Variants in GTF2A1 observed in about 807,000 individuals in gnomAD.
GTF2A1 encodes the protein transcription initiation factor IIA subunit 1.
A neutral mutation model predicts 54.1 loss-of-function variants in GTF2A1; 12 were observed. That is an observed-to-expected ratio of 0.22 (90% CI 0.14 to 0.36). The LOEUF (loss-of-function observed/expected upper bound fraction) is 0.36. Among genes scored for constraint, GTF2A1 ranks in the 10% least tolerant of loss-of-function variants. The pLI is 1.00. For missense variants in GTF2A1, 335 were observed against 442.2 expected, an observed-to-expected ratio of 0.76 and a Z score of 2.17; for synonymous variants, 145 against 152.0, an observed-to-expected ratio of 0.95 and a Z score of 0.34.
intron 7 of GTF2A1, among the ~76,000 whole-genome samples, chr14:81,192,171 G>A (rs1441872360): frequency 6.6e-6 from 1 of 152,042 alleles, no homozygotes; most frequent in African/African-American, 2.4e-5. Flanking sequence ...TGAAGCAAAA[G>A]ATTAACCACA....
chr14:81,190,369 A>G (rs1892850451), intron 7 of GTF2A1, among the ~76,000 whole-genome samples: 1 of 152,140 alleles, frequency 6.6e-6, no homozygotes, highest in African/African-American at 2.4e-5. Context: ...GAGAACAGAA[A>G]ATCACACAGT....
At chr14:81,208,382 C>G (rs1002089028) in intron 2 of GTF2A1, among the ~76,000 whole-genome samples, 16 of 152,152 alleles carry the variant, frequency 1.1e-4, no homozygotes, top group Admixed American at 5.9e-4. Flanking sequence ...GGAACTTCTA[C>G]CTAGATTTCA....
intron 7 of GTF2A1, among the ~76,000 whole-genome samples, chr14:81,187,311 C>T (rs1335870498): frequency 1.3e-5 from 2 of 150,348 alleles, no homozygotes; most frequent in African/African-American, 4.9e-5. Context: ...GCCAAGATTG[C>T]ACCACTGCAC....
intron 3 of GTF2A1, among the ~76,000 whole-genome samples, 157 bp downstream of exon 3, chr14:81,203,743 G>A (rs1893164503): frequency 6.6e-6 from 1 of 152,130 alleles, no homozygotes; most frequent in South Asian, 2.1e-4. Flanking sequence ...AGAAAGGGGG[G>A]AAAAAGCCCG....
chr14:81,214,087 T>C (rs1026657839), intron 2 of GTF2A1, among the ~76,000 whole-genome samples: 38 of 152,190 alleles, frequency 2.5e-4, no homozygotes, highest in African/African-American at 8.9e-4. Flanking sequence ...GGAATATTCT[T>C]ATTGAAAATT....
In GTF2A1 at chr14:81,211,875, T is replaced by TCATATATATATATATATA. The variant is rs1419902730; in HGVS notation, c.132+4537_132+4538insTATATATATATATATATG. Among the ~76,000 whole-genome samples the TCATATATATATATATATA allele has an allele frequency of 2.1e-3, 141 of 68,474 alleles. 4 individuals carry two copies. Among genetic ancestry groups the TCATATATATATATATATA allele is most frequent in the African/African-American group, 7.0e-3 (138 of 19,814 alleles). The allele number at this position is 68,474 out of a possible 152,430, so 44.9% of individuals were successfully genotyped here. ...ACATAATTAGAGTGTATCAAGTACTTTATATATATATATATATATATATAT... is the reference window on the plus strand; with the variant it reads ...ACATAATTAGAGTGTATCAAGTACTTCATATATATATATATATATATATATATATATATATATATATAT... On this transcript the variant is annotated intron_variant, in intron 2 of 8. Transcript: ENST00000553612.
chr14:81,220,965 GA>G, upstream of GTF2A1: 1 of 164,904 alleles, frequency 6.1e-6, no homozygotes, highest in Non-Finnish European at 1.3e-5. Context: ...GAGACAGGGT[GA>G]AGGGGGAGGG....
intron 3 of GTF2A1, 129 bp from the exon 4 acceptor site, chr14:81,201,787 A>G (rs1893117128): frequency 3.0e-6 from 2 of 660,114 alleles, no homozygotes; most frequent in Non-Finnish European, 5.5e-6. Context: ...AATGCTTTCA[A>G]TCATTTCATC....
At chr14:81,190,268 G>GAAAAAAAAAAAAAAAAAA (rs60741593) in intron 7 of GTF2A1, among the ~76,000 whole-genome samples, 1 of 135,342 alleles carries the variant, frequency 7.4e-6, no homozygotes. Flanking sequence ...TACAATCTTT[G>GAAAAAAAAAAAAAAAAAA]AAAAAAAAAA....
chr14:81,186,566 A>T (rs1892750873), intron 7 of GTF2A1, among the ~76,000 whole-genome samples: 1 of 152,226 alleles, frequency 6.6e-6, no homozygotes, highest in Admixed American at 6.5e-5. Context: ...ATTTCGCTTC[A>T]ATTGTGACAG....
At chr14:81,214,640 C>T (rs893137828) in intron 2 of GTF2A1, among the ~76,000 whole-genome samples, 2 of 148,282 alleles carry the variant, frequency 1.3e-5, no homozygotes, top group African/African-American at 5.0e-5. Context: ...AGCGAAACTC[C>T]GTCTCAAAAA....
chr14:81,194,013 G>A (rs1448672910), intron 6 of GTF2A1, among the ~76,000 whole-genome samples: 1 of 152,136 alleles, frequency 6.6e-6, no homozygotes, highest in Non-Finnish European at 1.5e-5. Flanking sequence ...TTCAACTTAG[G>A]GGACAAAGCA....
rs1425503306 is a variant in GTF2A1 at position 81,175,516 on chromosome 14, CTAGA to C, written c.*4703_*4706del. On this transcript the variant is annotated 3_prime_UTR_variant, in exon 9 of 9. Coordinates refer to ENST00000553612, the MANE Select transcript of GTF2A1 (RefSeq NM_015859.4). The stretch of plus-strand genomic sequence containing the variant: ...TTAATAGTTAAAATTTGCATGTTTT[CTAGA>C]TAGTCTGTTAACAGGATAAAAAAAT... 1.3e-5 allele frequency: 2 copies of C among 152,088 alleles called. No homozygotes were observed. The highest frequency in any genetic ancestry group is 2.4e-5 in the African/African-American group (1 of 41,428). 9.4% of individuals were successfully genotyped at this position (152,088 alleles called of 1,614,324 possible).
intron 2 of GTF2A1, among the ~76,000 whole-genome samples, chr14:81,210,255 A>G (rs1018337223): frequency 4.8e-4 from 73 of 152,364 alleles, no homozygotes; most frequent in African/African-American, 1.8e-3. Flanking sequence ...AATACTTTGT[A>G]TTAAGCTTAT....
intron 4 of GTF2A1, among the ~76,000 whole-genome samples, chr14:81,198,539 G>C (rs1334819843): frequency 1.3e-5 from 2 of 152,172 alleles, no homozygotes; most frequent in South Asian, 2.1e-4. Flanking sequence ...ACAAATTCTT[G>C]ACTTCCTGGA....
intron 4 of GTF2A1, among the ~76,000 whole-genome samples, chr14:81,197,747 T>C (rs1365459650): frequency 6.6e-6 from 1 of 152,142 alleles, no homozygotes; most frequent in African/African-American, 2.4e-5. Context: ...ATCTCACAGG[T>C]ACTGCAGTTT....
At chr14:81,199,077 G>A (rs982467013) in intron 4 of GTF2A1, among the ~76,000 whole-genome samples, 1 of 151,928 alleles carries the variant, frequency 6.6e-6, no homozygotes, top group Non-Finnish European at 1.5e-5. Context: ...TAAGTTTAAG[G>A]AAAATATTAA....
rs1381354803 is a variant in GTF2A1 at position 81,176,884 on chromosome 14, T to G, written c.*3339A>C. ...TCGGAAAAACAGGAATTTTCTCAAG[T>G]AGAAGAAAATGCTAAGTCATAAAGA... On this transcript the variant is annotated 3_prime_UTR_variant, in exon 9 of 9. Coordinates refer to ENST00000553612, the MANE Select transcript of GTF2A1 (RefSeq NM_015859.4). The G allele has an allele frequency of 6.6e-6, 1 of 151,948 alleles. No individual in the cohort carries two copies. The highest frequency in any genetic ancestry group is 1.5e-5 in the Non-Finnish European group (1 of 67,920). The allele number at this position is 151,948 out of a possible 1,614,324, so 9.4% of individuals were successfully genotyped here.
chr14:81,189,088 G>A (rs1227865369), intron 7 of GTF2A1, among the ~76,000 whole-genome samples: 1 of 152,070 alleles, frequency 6.6e-6, no homozygotes, highest in Non-Finnish European at 1.5e-5. Context: ...TTTGAAAAGT[G>A]AAAGAATGAA....
Sources: gnomAD v4.1 joint callset for allele counts (sites outside exome capture counted in the v4.1 genomes callset) on GRCh38, gnomAD v4.1.1 for gene constraint, MANE v1.5 for transcripts, NCBI Gene and HGNC (gene_info 2026-07-23, HGNC 2026-07-21) for gene names.